The following HCN1 variants were observed in gnomAD, a reference collection of about 807,000 sequenced individuals.
HCN1 encodes the protein potassium/sodium hyperpolarization-activated cyclic nucleotide-gated channel 1.
Under a neutral mutation model 78.9 loss-of-function variants are expected in HCN1, and 13 were observed. The observed-to-expected ratio is 0.16, with a 90% CI of 0.11 to 0.26. The LOEUF is 0.26. HCN1 is among the 10% of genes least tolerant of loss of function. The pLI is 1.00. For missense variants in HCN1, 810 were observed against 1,154.3 expected, an observed-to-expected ratio of 0.70 and a Z score of 4.32; for synonymous variants, 552 against 455.5, an observed-to-expected ratio of 1.21 and a Z score of -2.70.
chr5:45,378,998 C>T (rs1747748512), intron 4 of HCN1, among the ~76,000 whole-genome samples: 1 of 152,116 alleles, frequency 6.6e-6, no homozygotes, highest in South Asian at 2.1e-4. Context: ...ATATGTGCCA[C>T]ATTTTCTTAA....
At chr5:45,548,224 A>T (rs1743271285) in intron 2 of HCN1, among the ~76,000 whole-genome samples, 1 of 151,984 alleles carries the variant, frequency 6.6e-6, no homozygotes. Flanking sequence ...TAAAAAAAAC[A>T]CATACTTTCT....
At chr5:45,673,949 T>G (rs1746213313) in intron 1 of HCN1, among the ~76,000 whole-genome samples, 1 of 151,546 alleles carries the variant, frequency 6.6e-6, no homozygotes, top group Non-Finnish European at 1.5e-5. Context: ...TTCCCATTGT[T>G]AATTACGTAT....
chr5:45,695,607 C>A, intron 1 of HCN1, 62 bp downstream of exon 1: 1 of 1,525,468 alleles, frequency 6.6e-7, no homozygotes. Context: ...CACCCAAGGG[C>A]GGGGAAGCGC....
At chr5:45,546,274 G>T (rs1231845599) in intron 2 of HCN1, among the ~76,000 whole-genome samples, 1 of 151,622 alleles carries the variant, frequency 6.6e-6, no homozygotes, top group Non-Finnish European at 1.5e-5. Flanking sequence ...CATAATAAAA[G>T]GAATTTTCCT....
intron 4 of HCN1, among the ~76,000 whole-genome samples, chr5:45,379,369 T>A (rs936070734): frequency 1.3e-5 from 2 of 152,116 alleles, no homozygotes; most frequent in Non-Finnish European, 2.9e-5. Context: ...TCATTTTTCA[T>A]GGTCTCTGAA....
chr5:45,283,277 GC>G lies in HCN1; in HGVS notation c.1619-16025del, dbSNP rs556197979. ...GATGCCAAAAGCAATTACAACAAAA[GC>G]AAAAATTGACAAATGGGATCTAATT... On this transcript the variant is annotated intron_variant, in intron 6 of 7. Transcript: ENST00000303230. 1.9e-4 allele frequency among the ~76,000 whole-genome samples: 29 copies of G among 152,090 alleles called. No homozygotes were observed. In the South Asian group the frequency reaches 5.8e-3, roughly 30 times the overall value.
At chr5:45,430,909 TG>T (rs1266718450) in intron 3 of HCN1, among the ~76,000 whole-genome samples, 1 of 152,186 alleles carries the variant, frequency 6.6e-6, no homozygotes, top group African/African-American at 2.4e-5. Context: ...AATGAATATA[TG>T]TGCCATGTGT....
At chr5:45,492,323 A>T (rs566654321) in intron 2 of HCN1, among the ~76,000 whole-genome samples, 118 of 133,068 alleles carry the variant, frequency 8.9e-4, no homozygotes, top group Admixed American at 1.8e-3. Context: ...TGTGTGTGTG[A>T]GAGAGAGAGG....
rs932253276 is a variant in HCN1 at position 45,645,040 on chromosome 5, C to T, written c.849+145G>A. The T allele has an allele frequency of 2.4e-5, 15 of 626,942 alleles. 2 individuals carry two copies. In the Admixed American group the frequency reaches 3.5e-4, roughly 15 times the overall value. 38.8% of individuals were successfully genotyped at this position (626,942 alleles called of 1,614,324 possible). On this transcript the variant is annotated intron_variant, in intron 2 of 7. Coordinates refer to ENST00000303230, the MANE Select transcript of HCN1 (RefSeq NM_021072.4). Reference sequence around the variant, plus strand: ...ATATTTTAGGGATACAAATATATCACTTATGCATGGAAAAGAGTCGTCGAA... The same window carrying T: ...ATATTTTAGGGATACAAATATATCATTTATGCATGGAAAAGAGTCGTCGAA...
intron 1 of HCN1, among the ~76,000 whole-genome samples, chr5:45,677,001 G>T (rs1464105158): frequency 2.0e-5 from 3 of 151,702 alleles, no homozygotes; most frequent in Non-Finnish European, 4.4e-5. Context: ...TTCAGCAGTT[G>T]CTTCATTATA....
At chr5:45,479,551 T>C (rs1268327673) in intron 2 of HCN1, among the ~76,000 whole-genome samples, 2 of 152,058 alleles carry the variant, frequency 1.3e-5, no homozygotes, top group Non-Finnish European at 2.9e-5. Context: ...TAAAAGGCAA[T>C]TGAAGAAACA....
At chr5:45,378,353 A>G (rs1234797608) in intron 4 of HCN1, among the ~76,000 whole-genome samples, 2 of 152,120 alleles carry the variant, frequency 1.3e-5, no homozygotes, top group Non-Finnish European at 2.9e-5. Flanking sequence ...TAGAGTGCCA[A>G]TTTTCTTGAT....
intron 2 of HCN1, among the ~76,000 whole-genome samples, chr5:45,478,725 ATG>A (rs1741578780): frequency 6.6e-6 from 1 of 152,146 alleles, no homozygotes; most frequent in Non-Finnish European, 1.5e-5. Context: ...GAGAAATATA[ATG>A]TGTGTGGTGT....
intron 2 of HCN1, among the ~76,000 whole-genome samples, chr5:45,512,584 C>T (rs1266367341): frequency 6.6e-6 from 1 of 151,870 alleles, no homozygotes; most frequent in East Asian, 1.9e-4. Context: ...AAAAATCCTG[C>T]CCCATGAATA....
At position 45,258,125 on chromosome 5, in the gene HCN1, G is replaced by A. The variant is rs77259381; in HGVS notation, c.*3796C>T. Reference sequence around the variant, plus strand: ...ATAAACAGTGCAAGTGAGGGCCATAGAAGCAAAGTAACATAGTAAAATTAA... The same window carrying A: ...ATAAACAGTGCAAGTGAGGGCCATAAAAGCAAAGTAACATAGTAAAATTAA... On this transcript the variant is annotated 3_prime_UTR_variant, in exon 8 of 8. Transcript: ENST00000303230. 6.6e-6 allele frequency: 1 copy of A among 152,112 alleles called. No homozygotes were observed. The highest frequency in any genetic ancestry group is 1.9e-4 in the East Asian group (1 of 5,192). The allele number at this position is 152,112 out of a possible 1,614,324, so 9.4% of individuals were successfully genotyped here.
chr5:45,372,271 TTA>T lies in HCN1; in HGVS notation c.1231-19027_1231-19026del, dbSNP rs1337019732. On this transcript the variant is annotated intron_variant, in intron 4 of 7. Transcript: ENST00000303230. ...ATATAATATATATTTATATATATAT[TTA>T]TATATATAATATATATTTCATATAT... 2.2e-3 allele frequency among the ~76,000 whole-genome samples: 175 copies of T among 80,956 alleles called. 3 individuals are homozygous for T. Among genetic ancestry groups the T allele is most frequent in the African/African-American group, 2.4e-3 (50 of 20,596 alleles). The allele number at this position is 80,956 out of a possible 152,430, so 53.1% of individuals were successfully genotyped here. A position where few individuals can be genotyped will look rare whatever the true frequency, so the allele number is the denominator to read the frequency against.
intron 2 of HCN1, chr5:45,558,335 G>A (rs988408609): frequency 1.3e-5 from 2 of 152,152 alleles, no homozygotes; most frequent in Non-Finnish European, 2.9e-5. Flanking sequence ...GACGTTAGCA[G>A]AGGTTGGTTT....
At chr5:45,270,833 G>A (rs1411327455) in intron 6 of HCN1, among the ~76,000 whole-genome samples, 1 of 152,086 alleles carries the variant, frequency 6.6e-6, no homozygotes, top group Non-Finnish European at 1.5e-5. Flanking sequence ...AGTATGCACA[G>A]TCATTTTACA....
At chr5:45,396,198 C>T (rs995434079) in intron 4 of HCN1, among the ~76,000 whole-genome samples, 2 of 152,050 alleles carry the variant, frequency 1.3e-5, no homozygotes, top group African/African-American at 2.4e-5. Flanking sequence ...GAAAATGAGC[C>T]ATGATAACAT....
Sources: gnomAD v4.1 joint callset for allele counts (sites outside exome capture counted in the v4.1 genomes callset) on GRCh38, gnomAD v4.1.1 for gene constraint, MANE v1.5 for transcripts, NCBI Gene and HGNC (gene_info 2026-07-23, HGNC 2026-07-21) for gene names.